The following AK8 variants were observed in gnomAD, a reference collection of about 807,000 sequenced individuals.
The protein encoded by AK8 is ATP-AMP transphosphorylase 8.
In AK8, 44 loss-of-function variants were observed where a neutral mutation model predicts 54.6. The ratio of observed to expected loss-of-function variants is 0.81; its 90% CI spans 0.63 to 1.04. The LOEUF (loss-of-function observed/expected upper bound fraction) is 1.04, where lower values mean the gene tolerates loss of function less well. AK8 is among the 50% of genes least tolerant of loss of function. The pLI, the probability that AK8 is intolerant of heterozygous loss-of-function variation, is 0.00. For missense variants in AK8, 555 were observed against 613.6 expected (o/e 0.90, Z 1.01); for synonymous variants, 239 against 245.6 (o/e 0.97, Z 0.25).
At chr9:132,776,612 C>T (rs1027429030) in intron 11 of AK8, among the ~76,000 whole-genome samples, 8 of 152,182 alleles carry the variant, frequency 5.3e-5, no homozygotes, top group South Asian at 2.1e-4. Context: ...GCTGCGGGGC[C>T]GCCACGCTGC....
chr9:132,872,673 G>A (rs930635794), intron 2 of AK8, among the ~76,000 whole-genome samples: 2 of 151,140 alleles, frequency 1.3e-5, no homozygotes, highest in Non-Finnish European at 2.9e-5. Context: ...TTACTCTGTT[G>A]CCCAGGCTGG....
At chr9:132,849,066 G>C (rs1031174524) in intron 5 of AK8, among the ~76,000 whole-genome samples, 1 of 151,812 alleles carries the variant, frequency 6.6e-6, no homozygotes, top group Non-Finnish European at 1.5e-5. Context: ...GTGCCACCAC[G>C]CCCGGCTAAT....
At chr9:132,771,372 A>G (rs1838972666) in intron 11 of AK8, among the ~76,000 whole-genome samples, 1 of 152,228 alleles carries the variant, frequency 6.6e-6, no homozygotes, top group Admixed American at 6.5e-5. Flanking sequence ...AGAACGGGCC[A>G]GGAATCATGC....
Position 132,860,063 on chromosome 9 carries a change from G to C in AK8, c.333+3602C>G, listed in dbSNP as rs1249909957. On this transcript the variant is annotated intron_variant, in intron 4 of 12. Coordinates refer to ENST00000298545, the MANE Select transcript of AK8 (RefSeq NM_152572.3). This position sits in a 1 kb window ranked among gnomAD's most constrained non-coding sequence, Gnocchi z 4.4. ...GGAAAAGCTGTGGGGTCAGCATCTAGACAAAATCACTCAGGGGAGCCAGTC... is the reference window on the plus strand; with the variant it reads ...GGAAAAGCTGTGGGGTCAGCATCTACACAAAATCACTCAGGGGAGCCAGTC... Among the ~76,000 whole-genome samples, 1 of 152,112 alleles carries C rather than the reference G, an allele frequency of 6.6e-6. No individual in the cohort carries two copies. Among genetic ancestry groups the C allele is most frequent in the Non-Finnish European group, 1.5e-5 (1 of 68,018 alleles).
intron 3 of AK8, 125 bp downstream of exon 3, chr9:132,866,779 A>G (rs968440998): frequency 1.3e-5 from 12 of 929,414 alleles, no homozygotes; most frequent in Middle Eastern, 4.3e-4. Flanking sequence ...TTGTAATAAG[A>G]AGGAGGAGAA....
At chr9:132,730,547 G>A (rs1395496177) in intron 11 of AK8, among the ~76,000 whole-genome samples, 1 of 151,924 alleles carries the variant, frequency 6.6e-6, no homozygotes, top group Non-Finnish European at 1.5e-5. Context: ...ATTCCCAGGG[G>A]CCAGTTGCAT....
At chr9:132,813,667 C>T (rs1456590813) in intron 10 of AK8, among the ~76,000 whole-genome samples, 1 of 152,174 alleles carries the variant, frequency 6.6e-6, no homozygotes, top group Non-Finnish European at 1.5e-5. Flanking sequence ...GAAGCCCAGC[C>T]GCCAACTGGC....
rs1421698371 is a variant in AK8 at position 132,799,937 on chromosome 9, C to G, written c.980-7162G>C. On this transcript the variant is annotated intron_variant, in intron 10 of 12. Transcript: ENST00000298545. This position sits in a 1 kb window ranked among gnomAD's most constrained non-coding sequence, Gnocchi z 5.0. ...GGGTCCCGCCCCTCCTGAAGGATCC[C>G]AATAGGACCCAGGAGGTCCAGGGAA... is the stretch of plus-strand genomic sequence containing the variant. Among the ~76,000 whole-genome samples, 1 of 152,108 alleles carries G rather than the reference C, an allele frequency of 6.6e-6. No individual in the cohort carries two copies. Among genetic ancestry groups the G allele is most frequent in the East Asian group, 1.9e-4 (1 of 5,186 alleles).
intron 11 of AK8, among the ~76,000 whole-genome samples, chr9:132,746,930 T>C (rs538918890): frequency 6.6e-6 from 1 of 152,352 alleles, no homozygotes; most frequent in African/African-American, 2.4e-5. Context: ...TTTAATGCAT[T>C]CTGGTTTAAA....
chr9:132,844,167 T>C (rs1417846378), intron 5 of AK8, among the ~76,000 whole-genome samples: 1 of 152,092 alleles, frequency 6.6e-6, no homozygotes, highest in Non-Finnish European at 1.5e-5. Context: ...TCCCTAACAA[T>C]GGCTAATGGG....
intron 5 of AK8, among the ~76,000 whole-genome samples, chr9:132,847,709 G>A (rs879901044): frequency 1.1e-4 from 17 of 152,172 alleles, no homozygotes; most frequent in Non-Finnish European, 8.8e-5. Flanking sequence ...AGCCAGGCAT[G>A]GTGGCTCATG....
At chr9:132,735,996 A>G (rs1013147126) in intron 11 of AK8, among the ~76,000 whole-genome samples, 2 of 152,202 alleles carry the variant, frequency 1.3e-5, no homozygotes, top group African/African-American at 4.8e-5. Context: ...ATGTTACCGC[A>G]CTGAATACTG....
rs767141665 is a variant in AK8, at chr9:132,827,107, C to T, written c.557-53G>A. 1.8e-4 allele frequency: 291 copies of T among 1,575,500 alleles called. 1 individual carries two copies. Among genetic ancestry groups the T allele is most frequent in the Non-Finnish European group, 2.2e-4 (256 of 1,147,460 alleles). Reference sequence around the variant, plus strand: ...AATGGCCATGCAGGGGCCCTGTGGGCGCTGCTGTGCCTGGCTGGGGTGCTT... The same window carrying T: ...AATGGCCATGCAGGGGCCCTGTGGGTGCTGCTGTGCCTGGCTGGGGTGCTT... On this transcript the variant is annotated intron_variant, in intron 7 of 12. Transcript: ENST00000298545.
intron 11 of AK8, among the ~76,000 whole-genome samples, chr9:132,751,391 A>C (rs930503786): frequency 2.0e-5 from 3 of 150,632 alleles, no homozygotes; most frequent in Non-Finnish European, 3.0e-5. Flanking sequence ...AAAAAAAAAA[A>C]AAAAACAAAA....
Position 132,732,073 on chromosome 9 carries a change from G to A in AK8, c.1122-4539C>T, listed in dbSNP as rs188648066. ...GTTATTAGTGTACCTGAGTGTTTATGCTCAGTGTACCTGAGTTATTATGGC... is the reference window on the plus strand; with the variant it reads ...GTTATTAGTGTACCTGAGTGTTTATACTCAGTGTACCTGAGTTATTATGGC... On this transcript the variant is annotated intron_variant, in intron 11 of 12. Coordinates refer to ENST00000298545, the MANE Select transcript of AK8 (RefSeq NM_152572.3). Among the ~76,000 whole-genome samples the A allele has an allele frequency of 4.7e-3, 715 of 152,240 alleles. 4 individuals carry two copies. Among genetic ancestry groups the A allele is most frequent in the South Asian group, 0.024 (118 of 4,828 alleles).
intron 9 of AK8, among the ~76,000 whole-genome samples, chr9:132,819,939 G>T (rs1841503148): frequency 6.6e-6 from 1 of 151,974 alleles, no homozygotes; most frequent in Non-Finnish European, 1.5e-5. Context: ...TGGGAGGATT[G>T]CTTCAGGCCA....
chr9:132,812,822 T>C (rs1218413607), intron 10 of AK8, among the ~76,000 whole-genome samples: 1 of 151,900 alleles, frequency 6.6e-6, no homozygotes, highest in Non-Finnish European at 1.5e-5. Context: ...GCCTCCTACA[T>C]CCACCTCATT....
At position 132,791,630 on chromosome 9, in the gene AK8, C is replaced by A. The variant is rs757587603; in HGVS notation, c.1121+1004G>T. Among the ~76,000 whole-genome samples the A allele has an allele frequency of 6.6e-6, 1 of 152,198 alleles. No individual in the cohort carries two copies. The highest frequency in any genetic ancestry group is 2.4e-5 in the African/African-American group (1 of 41,440). On this transcript the variant is annotated intron_variant, in intron 11 of 12. Transcript: ENST00000298545. This position sits in a 1 kb window ranked among gnomAD's most constrained non-coding sequence, Gnocchi z 4.0. The stretch of plus-strand genomic sequence containing the variant: ...AAAGTAGTTAAACAGAGAGGTACTA[C>A]TGCAGAAATAGACACTCAGAAAAGA...
intron 8 of AK8, among the ~76,000 whole-genome samples, chr9:132,824,377 A>T (rs898222757): frequency 1.3e-5 from 2 of 152,192 alleles, no homozygotes; most frequent in Admixed American, 6.5e-5. Context: ...CCTTCCTGCC[A>T]GTCTGCCTTT....
Sources: gnomAD v4.1 joint callset for allele counts (sites outside exome capture counted in the v4.1 genomes callset) on GRCh38, gnomAD v4.1.1 for gene constraint, Gnocchi (gnomAD v3.1) non-coding constraint, MANE v1.5 for transcripts, NCBI Gene and HGNC (gene_info 2026-07-23, HGNC 2026-07-21) for gene names.